COL25A1: variants seen among roughly 807,000 people sequenced by gnomAD.
COL25A1 encodes collagen alpha-1(XXV) chain.
In COL25A1, 103 loss-of-function variants were observed where a neutral mutation model predicts 128.4. That is an observed-to-expected ratio of 0.80 (90% CI 0.68 to 0.94). The LOEUF (loss-of-function observed/expected upper bound fraction) is 0.94. COL25A1 is among the 40% of genes least tolerant of loss of function. COL25A1 has a pLI of 0.00. For missense variants in COL25A1, 745 were observed against 840.0 expected (o/e 0.89, Z 1.40); for synonymous variants, 279 against 277.2 (o/e 1.01, Z -0.06).
At chr4:109,222,571 C>T (rs76438191) in intron 3 of COL25A1, among the ~76,000 whole-genome samples, 13,193 of 152,104 alleles carry the variant, frequency 0.087, 1,192 homozygotes, top group African/African-American at 0.23. Context: ...ACTACATAAA[C>T]ACTTTAATAT....
At chr4:109,092,984 T>G (rs1765051475) in intron 3 of COL25A1, among the ~76,000 whole-genome samples, 1 of 152,092 alleles carries the variant, frequency 6.6e-6, no homozygotes, top group Admixed American at 6.5e-5. Flanking sequence ...AAAAAAAAAT[T>G]TACCTCTGCC....
intron 3 of COL25A1, among the ~76,000 whole-genome samples, chr4:109,114,888 G>C (rs1176103252): frequency 6.6e-6 from 1 of 151,928 alleles, no homozygotes. Flanking sequence ...ATCTATTTAA[G>C]GCATAAGAAA....
intron 2 of COL25A1, among the ~76,000 whole-genome samples, chr4:109,300,902 C>T (rs373238121): frequency 2.0e-5 from 3 of 152,166 alleles, no homozygotes; most frequent in South Asian, 4.1e-4. Context: ...TACCACCACT[C>T]TCTCCCTCAG....
At chr4:109,012,910 A>T (rs913555041) in intron 5 of COL25A1, among the ~76,000 whole-genome samples, 8 of 152,242 alleles carry the variant, frequency 5.3e-5, no homozygotes, top group African/African-American at 1.9e-4. Context: ...GGTGCGATCC[A>T]CTAGGCGAAG....
intron 3 of COL25A1, among the ~76,000 whole-genome samples, chr4:109,140,997 T>C (rs1052062061): frequency 6.6e-6 from 1 of 152,178 alleles, no homozygotes; most frequent in Non-Finnish European, 1.5e-5. Context: ...AGAGAGGACA[T>C]CCTTATCTTG....
intron 14 of COL25A1, 131 bp downstream of exon 14, chr4:108,900,988 T>C (rs1246520804): frequency 1.7e-5 from 11 of 659,642 alleles, no homozygotes; most frequent in Non-Finnish European, 2.4e-5. Context: ...TACTATAGCA[T>C]ATTATACTAT....
rs566564528 is a variant in COL25A1 at position 109,162,614 on chromosome 4, C to T, written c.368-112435G>A. 5.3e-5 allele frequency among the ~76,000 whole-genome samples: 8 copies of T among 152,200 alleles called. No homozygotes were observed. The East Asian group carries it at 9.7e-4, about 18-fold the overall frequency. ...TGCCAGGAGGAATGTCTAGAGTCAACGAGAGCACTTTAAAATGAGGTGGAT... is the reference window on the plus strand; with the variant it reads ...TGCCAGGAGGAATGTCTAGAGTCAATGAGAGCACTTTAAAATGAGGTGGAT... On this transcript the variant is annotated intron_variant, in intron 3 of 37. Transcript: ENST00000399132.
At chr4:108,987,287 A>G (rs867090470) in intron 6 of COL25A1, among the ~76,000 whole-genome samples, 10 of 149,732 alleles carry the variant, frequency 6.7e-5, no homozygotes, top group Admixed American at 6.6e-4. Context: ...CACTCTCTCT[A>G]TCTTTACTTA....
intron 8 of COL25A1, among the ~76,000 whole-genome samples, chr4:108,948,015 C>T (rs1258230297): frequency 2.0e-5 from 3 of 152,160 alleles, no homozygotes; most frequent in Non-Finnish European, 2.9e-5. Flanking sequence ...CATTACAACA[C>T]GACCATCACA....
chr4:109,178,666 T>TACAAA (rs377046194), intron 3 of COL25A1, among the ~76,000 whole-genome samples: 5 of 151,578 alleles, frequency 3.3e-5, no homozygotes, highest in African/African-American at 9.7e-5. Flanking sequence ...CTACTAAAAA[T>TACAAA]ACAAAACAAA....
chr4:108,974,587 T>G (rs1354477985), intron 6 of COL25A1, 28 bp from the exon 7 acceptor site: 1 of 1,576,560 alleles, frequency 6.3e-7, no homozygotes, highest in African/African-American at 1.4e-5. Flanking sequence ...AAAAAAAATT[T>G]TAATTAAAAA....
At chr4:109,202,286 T>C (rs577684570) in intron 3 of COL25A1, among the ~76,000 whole-genome samples, 70 of 151,484 alleles carry the variant, frequency 4.6e-4, no homozygotes, top group Non-Finnish European at 8.5e-4. Flanking sequence ...CAAAGGAAAA[T>C]AGCCTAGAAA....
chr4:109,266,188 C>T (rs548011213), intron 3 of COL25A1, among the ~76,000 whole-genome samples: 64 of 152,222 alleles, frequency 4.2e-4, no homozygotes, highest in African/African-American at 1.4e-3. Context: ...TCTATTAAAT[C>T]GGGATAACAG....
At chr4:109,124,616 TTAATTAAACTTAATTAAA>T (rs1768413531) in intron 3 of COL25A1, among the ~76,000 whole-genome samples, 3 of 151,942 alleles carry the variant, frequency 2.0e-5, no homozygotes, top group African/African-American at 7.2e-5. Context: ...ATGTGTGTAT[TTAATTAAACTTAATTAAA>T]TAATTAAGTT....
chr4:109,019,369 C>CATATATATATATATATATAT (rs1320479600), intron 5 of COL25A1, among the ~76,000 whole-genome samples: 3 of 9,248 alleles, frequency 3.2e-4, no homozygotes, highest in Admixed American at 2.1e-3. Context: ...CACACACACA[C>CATATATATATATATATATAT]ACACACATAT....
chr4:109,257,568 A>G (rs953422917), intron 3 of COL25A1, among the ~76,000 whole-genome samples: 1 of 152,218 alleles, frequency 6.6e-6, no homozygotes, highest in Non-Finnish European at 1.5e-5. Flanking sequence ...ACGGTGTTCT[A>G]TCTTTCCATA....
At chr4:109,269,954 G>A (rs1341132208) in intron 3 of COL25A1, among the ~76,000 whole-genome samples, 1 of 152,002 alleles carries the variant, frequency 6.6e-6, no homozygotes, top group Non-Finnish European at 1.5e-5. Context: ...TATAAACAGA[G>A]CCAAAGACAA....
intron 3 of COL25A1, among the ~76,000 whole-genome samples, chr4:109,242,575 G>A (rs1335267050): frequency 6.6e-6 from 1 of 151,998 alleles, no homozygotes; most frequent in Non-Finnish European, 1.5e-5. Flanking sequence ...TATTCCGGAT[G>A]ATTCTTCCCT....
intron 3 of COL25A1, among the ~76,000 whole-genome samples, chr4:109,058,686 G>T (rs1425850009): frequency 6.6e-6 from 1 of 152,060 alleles, no homozygotes; most frequent in African/African-American, 2.4e-5. Context: ...TTTATTAATG[G>T]CTTTGTGACA....
Sources: gnomAD v4.1 joint callset for allele counts (sites outside exome capture counted in the v4.1 genomes callset) on GRCh38, gnomAD v4.1.1 for gene constraint, MANE v1.5 for transcripts, NCBI Gene and HGNC (gene_info 2026-07-23, HGNC 2026-07-21) for gene names.